Variants in ERG observed in about 807,000 individuals in gnomAD.
ERG encodes ETS transcription factor ERG, also known as transcriptional regulator ERG.
Under a neutral mutation model 55.3 loss-of-function variants are expected in ERG, and 9 were observed. The observed-to-expected ratio is 0.16, with a 90% CI of 0.10 to 0.28. ERG has a LOEUF of 0.28. Among genes scored for constraint, ERG ranks in the 10% least tolerant of loss-of-function variants. The probability of loss-of-function intolerance (pLI) is 1.00; values close to 1 mark genes in which losing one functional copy is unlikely to be tolerated. For missense variants in ERG, 434 were observed against 631.6 expected (o/e 0.69, Z 3.35); for synonymous variants, 223 against 237.3 (o/e 0.94, Z 0.55).
intron 2 of ERG, among the ~76,000 whole-genome samples, chr21:38,444,620 A>G (rs2058871954): frequency 1.3e-5 from 2 of 151,906 alleles, no homozygotes; most frequent in Admixed American, 1.3e-4. Flanking sequence ...ACAGTTCTGC[A>G]TTTGGTAATA....
chr21:38,403,788 G>A, intron 3 of ERG, 79 bp from the exon 4 acceptor site: 2 of 1,378,832 alleles, frequency 1.5e-6, no homozygotes, highest in Non-Finnish European at 2.0e-6. Context: ...ATCCACGTGG[G>A]ATTTCTGACC....
intron 1 of ERG, among the ~76,000 whole-genome samples, chr21:38,646,017 G>A (rs1224254478): frequency 3.3e-5 from 5 of 152,096 alleles, no homozygotes; most frequent in African/African-American, 7.2e-5. Flanking sequence ...GGTGGCTCAC[G>A]CCTGTAATCC....
chr21:38,540,048 C>T (rs139306133), intron 2 of ERG, among the ~76,000 whole-genome samples: 55 of 152,072 alleles, frequency 3.6e-4, no homozygotes, highest in Non-Finnish European at 6.0e-4. Context: ...AGGCACACAC[C>T]ACCACGCCTG....
At chr21:38,423,379 G>A (rs763931717) in intron 3 of ERG, 31 bp downstream of exon 3, 1 of 1,597,948 alleles carries the variant, frequency 6.3e-7, no homozygotes, top group South Asian at 1.1e-5. Context: ...GTTGCGATCT[G>A]CCGAGGGCAG....
At chr21:38,422,683 T>C (rs868861910) in intron 3 of ERG, among the ~76,000 whole-genome samples, 1 of 152,352 alleles carries the variant, frequency 6.6e-6, no homozygotes, top group Middle Eastern at 3.4e-3. Context: ...AATAAGTTCT[T>C]GTCACGTCTT....
chr21:38,534,440 A>C (rs946754146), intron 2 of ERG, among the ~76,000 whole-genome samples: 9 of 152,194 alleles, frequency 5.9e-5, no homozygotes, highest in Non-Finnish European at 1.2e-4. Flanking sequence ...GAATTATTTT[A>C]AAAAAGCATT....
chr21:38,541,004 C>T (rs1027771634), intron 2 of ERG, among the ~76,000 whole-genome samples: 2 of 152,176 alleles, frequency 1.3e-5, no homozygotes, highest in Non-Finnish European at 1.5e-5. Context: ...TGGGGAGGCA[C>T]TGGGGTGGAA....
chr21:38,548,319 T>C (rs1458623278), intron 2 of ERG, among the ~76,000 whole-genome samples: 1 of 152,146 alleles, frequency 6.6e-6, no homozygotes, highest in Admixed American at 6.6e-5. Context: ...TCATCATATA[T>C]AAGTTAATAG....
intron 3 of ERG, among the ~76,000 whole-genome samples, chr21:38,410,060 T>G (rs1180031642): frequency 6.6e-6 from 1 of 152,128 alleles, no homozygotes; most frequent in Non-Finnish European, 1.5e-5. Flanking sequence ...GTTAGGGGAA[T>G]AGAAAAGTAA....
intron 1 of ERG, among the ~76,000 whole-genome samples, chr21:38,469,970 T>G (rs144975386): frequency 6.6e-6 from 1 of 152,366 alleles, no homozygotes; most frequent in African/African-American, 2.4e-5. Context: ...TGTCTGCAGT[T>G]TGTATATGCA....
chr21:38,652,251 C>A (rs553028138), intron 1 of ERG, among the ~76,000 whole-genome samples: 12 of 152,274 alleles, frequency 7.9e-5, no homozygotes, highest in African/African-American at 2.4e-4. Context: ...CTCTACCATT[C>A]CCGCCAATCC....
At chr21:38,376,814 G>A (rs1181195266), downstream of ERG, among the ~76,000 whole-genome samples, 1 of 152,230 alleles carries the variant, frequency 6.6e-6, no homozygotes, top group African/African-American at 2.4e-5. Flanking sequence ...AGCACCTGCA[G>A]CACGTATCCT....
intron 1 of ERG, among the ~76,000 whole-genome samples, chr21:38,657,456 T>C (rs558586316): frequency 3.4e-4 from 52 of 152,238 alleles, no homozygotes; most frequent in Non-Finnish European, 5.3e-4. Flanking sequence ...ATTTTACTTA[T>C]ACTTAAATTT....
In ERG at chr21:38,403,626, A is replaced by C. The variant is rs770154070; in HGVS notation, c.472T>G (p.Leu158Val). Residue 158 changes from leucine to valine, a missense_variant, in exon 4 of 10, where the codon TTG becomes GTG. Transcript: ENST00000288319. The stretch of plus-strand genomic sequence containing the variant: ...TTCCCATCGATGTTCTGGAATAACA[A>C]GATGTTGACGTCTGGAAGGCCATAT... ...KEYGLPDVNI[L>V]LFQNIDGKEL... 1 of 1,614,168 alleles carries C rather than the reference A, an allele frequency of 6.2e-7. No homozygotes were observed. Among genetic ancestry groups the C allele is most frequent in the African/African-American group, 1.3e-5 (1 of 75,022 alleles).
chr21:38,551,041 A>G (rs1453208095), intron 2 of ERG, among the ~76,000 whole-genome samples: 1 of 152,344 alleles, frequency 6.6e-6, no homozygotes, highest in Non-Finnish European at 1.5e-5. Flanking sequence ...ATTGAGGAAA[A>G]ATAACTATTT....
At chr21:38,496,626 A>G (rs1222660137) in intron 1 of ERG, among the ~76,000 whole-genome samples, 1 of 152,266 alleles carries the variant, frequency 6.6e-6, no homozygotes, top group Non-Finnish European at 1.5e-5. Context: ...AATGCAATGT[A>G]ATAAAATGTT....
At chr21:38,644,099 C>T (rs191141509) in intron 1 of ERG, among the ~76,000 whole-genome samples, 18 of 152,246 alleles carry the variant, frequency 1.2e-4, no homozygotes, top group African/African-American at 3.1e-4. Flanking sequence ...CAGGTGGTAG[C>T]CTGGGACCTA....
chr21:38,397,964 C>T (rs140710858), intron 6 of ERG, among the ~76,000 whole-genome samples: 16 of 152,194 alleles, frequency 1.1e-4, no homozygotes, highest in African/African-American at 3.1e-4. Flanking sequence ...TCGGTTCCCT[C>T]GGATGTGGGA....
chr21:38,581,899 C>T lies in ERG; in HGVS notation c.-127+2945G>A, dbSNP rs553404024. Among the ~76,000 whole-genome samples, 34 of 152,072 alleles carry T rather than the reference C, an allele frequency of 2.2e-4. 1 individual carries two copies. Among genetic ancestry groups the T allele is most frequent in the African/African-American group, 6.0e-4 (25 of 41,492 alleles). On this transcript the variant is annotated intron_variant, in intron 1 of 8. Transcript: ENST00000398897. ...TCTACTGAAAATACAAAAGATTAGC[C>T]GGGCGTGGTGGTGGACGCCTGTAGT...
Sources: allele counts gnomAD v4.1 joint callset (sites outside exome capture counted in the v4.1 genomes callset), GRCh38; gene constraint gnomAD v4.1.1; transcripts MANE v1.5; gene names NCBI Gene and HGNC (gene_info 2026-07-23, HGNC 2026-07-21).